SLC9C1: variants seen among roughly 807,000 people sequenced by gnomAD.
The protein encoded by SLC9C1 is sodium/hydrogen exchanger 10.
Under a neutral mutation model 140.9 loss-of-function variants are expected in SLC9C1, and 97 were observed. The ratio of observed to expected loss-of-function variants is 0.69; its 90% CI spans 0.58 to 0.82. The LOEUF (loss-of-function observed/expected upper bound fraction) is 0.82. Ranked by LOEUF, SLC9C1 falls within the 40% of genes least tolerant of loss-of-function variation. The pLI, the probability that SLC9C1 is intolerant of heterozygous loss-of-function variation, is 0.00. For missense variants in SLC9C1, 1,340 were observed against 1,389.3 expected, an observed-to-expected ratio of 0.96 and a Z score of 0.56; for synonymous variants, 440 against 442.6, an observed-to-expected ratio of 0.99 and a Z score of 0.07.
At chr3:112,221,277 T>G (rs932396577) in intron 13 of SLC9C1, 52 bp from the exon 14 acceptor site, 2 of 1,462,266 alleles carry the variant, frequency 1.4e-6, no homozygotes, top group Non-Finnish European at 1.9e-6. Flanking sequence ...CGATGACAAC[T>G]TATTACAATC....
intron 15 of SLC9C1, among the ~76,000 whole-genome samples, chr3:112,216,034 C>T (rs1255443814): frequency 6.6e-6 from 1 of 151,974 alleles, no homozygotes; most frequent in African/African-American, 2.4e-5. Flanking sequence ...CAGAACAGAG[C>T]CCTCAGAAAT....
intron 21 of SLC9C1, among the ~76,000 whole-genome samples, chr3:112,181,166 A>G (rs1007890568): frequency 2.6e-5 from 4 of 152,244 alleles, no homozygotes; most frequent in Admixed American, 6.5e-5. Context: ...AATTATGAAT[A>G]GTAAAGAGGA....
At position 112,239,930 on chromosome 3, in the gene SLC9C1, A is replaced by G; in HGVS notation, c.1356T>C (p.Ser452=). 6.2e-7 allele frequency: 1 copy of G among 1,614,042 alleles called. No homozygotes were observed. Among genetic ancestry groups the G allele is most frequent in the Non-Finnish European group, 8.5e-7 (1 of 1,179,968 alleles). The change falls in exon 12 of 29, where the codon TCT becomes TCC. Residue 452 remains serine (S), a synonymous_variant. Coordinates refer to ENST00000305815, the MANE Select transcript of SLC9C1 (RefSeq NM_183061.3). ...TFQHFQELTK[S]AASALKFDKD... ...TGTCAAATTTAAGGGCAGAGGCTGC[A>G]GACTTGGTTAGCTCTTGAAAGTGTT...
chr3:112,205,359 C>T lies in SLC9C1; in HGVS notation c.1987-956G>A, dbSNP rs567153468. ...CCAACTTACAAGGGACGTGAAGGAC[C>T]TCTTCAAGGAGAACTACAAACCACT... On this transcript the variant is annotated intron_variant, in intron 16 of 28. Transcript: ENST00000305815. Among the ~76,000 whole-genome samples, 5 of 151,444 alleles carry T rather than the reference C, an allele frequency of 3.3e-5. No homozygotes were observed. The East Asian group carries it at 7.8e-4, about 24-fold the overall frequency.
intron 26 of SLC9C1, among the ~76,000 whole-genome samples, chr3:112,157,868 T>C (rs762492637): frequency 1.3e-5 from 2 of 152,072 alleles, no homozygotes; most frequent in African/African-American, 4.8e-5. Context: ...GTATGTTGAT[T>C]TTGTATCCTG....
intron 12 of SLC9C1, among the ~76,000 whole-genome samples, chr3:112,235,044 T>C (rs1190804814): frequency 6.6e-6 from 1 of 151,364 alleles, no homozygotes; most frequent in Non-Finnish European, 1.5e-5. Flanking sequence ...GGGGATGGCA[T>C]TGAATCTATA....
chr3:112,267,050 G>A (rs928624572), intron 7 of SLC9C1, among the ~76,000 whole-genome samples: 2 of 152,134 alleles, frequency 1.3e-5, no homozygotes, highest in Admixed American at 6.5e-5. Flanking sequence ...GGAGGCTGAC[G>A]GATGACTGCT....
chr3:112,185,635 G>A (rs2077521192), intron 20 of SLC9C1: 13 of 1,573,552 alleles, frequency 8.3e-6, no homozygotes, highest in Non-Finnish European at 1.0e-5. Context: ...CTCCTGACCC[G>A]GAAAGCTCCT....
chr3:112,202,333 C>T lies in SLC9C1; in HGVS notation c.2239G>A (p.Gly747Arg). Residue 747 changes from glycine to arginine, a missense_variant, in exon 18 of 29, where the codon GGA becomes AGA. Transcript: ENST00000305815. ...RMSHQKTFWY[G>R]ILKGYVQGEA... is the part of the protein sequence containing the mutation. The stretch of plus-strand genomic sequence containing the variant: ...CCTTGGACATAGCCTTTTAGTATTC[C>T]ATACCAAAAGGTCTTCTGATGACTC... The T allele has an allele frequency of 6.2e-7, 1 of 1,610,126 alleles. No homozygotes were observed. Among genetic ancestry groups the T allele is most frequent in the Non-Finnish European group, 8.5e-7 (1 of 1,178,154 alleles).
rs2080292427 is a variant in SLC9C1 at position 112,279,048 on chromosome 3, T to A, written c.190-191A>T. ...CCATGGCTTATGTAGAAGATATGTG[T>A]GGAAGAATAGAACGGATAGAGACTG... On this transcript the variant is annotated intron_variant, in intron 3 of 28. Coordinates refer to ENST00000305815, the MANE Select transcript of SLC9C1 (RefSeq NM_183061.3). 3 of 470,234 alleles carry A rather than the reference T, an allele frequency of 6.4e-6. No homozygotes were observed. The East Asian group carries it at 1.3e-4, about 21-fold the overall frequency. The allele number at this position is 470,234 out of a possible 1,614,324, so 29.1% of individuals were successfully genotyped here. A position where few individuals can be genotyped will look rare whatever the true frequency, so the allele number is the denominator to read the frequency against.
chr3:112,167,232 G>A lies in SLC9C1; in HGVS notation c.3353C>T (p.Pro1118Leu). 1 of 1,606,628 alleles carries A rather than the reference G, an allele frequency of 6.2e-7. No individual in the cohort carries two copies. The highest frequency in any genetic ancestry group is 8.5e-7 in the Non-Finnish European group (1 of 1,177,088). ...FVPKHKSYLT[P>L]GLIGSVGTLE... ...GAAGTCTAACTCACCTATTAATCCT[G>A]GTGTAAGATAACTTTTATGTTTAGG... The change falls in exon 26 of 29, where the codon CCA becomes CTA. Residue 1118 changes from proline (P) to leucine (L), a missense_variant. Coordinates refer to ENST00000305815, the MANE Select transcript of SLC9C1 (RefSeq NM_183061.3).
intron 12 of SLC9C1, among the ~76,000 whole-genome samples, chr3:112,236,277 C>T (rs2078983934): frequency 6.6e-6 from 1 of 152,178 alleles, no homozygotes; most frequent in Non-Finnish European, 1.5e-5. Flanking sequence ...ATGGTATTCT[C>T]TGATGGTAGT....
chr3:112,278,100 C>T (rs1222390483), intron 4 of SLC9C1, among the ~76,000 whole-genome samples: 1 of 152,070 alleles, frequency 6.6e-6, no homozygotes, highest in Admixed American at 6.6e-5. Flanking sequence ...GTCTGAACTC[C>T]ATGTGTCTGG....
At chr3:112,234,143 G>A (rs191879979) in intron 12 of SLC9C1, among the ~76,000 whole-genome samples, 27 of 152,276 alleles carry the variant, frequency 1.8e-4, no homozygotes, top group Admixed American at 1.5e-3. Context: ...TCCAGCACCT[G>A]TTGTTTCCTG....
chr3:112,192,466 G>T (rs1357630533), intron 20 of SLC9C1, among the ~76,000 whole-genome samples: 1 of 152,118 alleles, frequency 6.6e-6, no homozygotes, highest in Admixed American at 6.5e-5. Flanking sequence ...TCCATTGTAT[G>T]TATATACCAC....
At chr3:112,189,250 A>T (rs935103430) in intron 20 of SLC9C1, among the ~76,000 whole-genome samples, 1 of 152,018 alleles carries the variant, frequency 6.6e-6, no homozygotes, top group African/African-American at 2.4e-5. Flanking sequence ...TCCATTTGTC[A>T]ATTTTGGCTT....
intron 2 of SLC9C1, among the ~76,000 whole-genome samples, chr3:112,286,352 C>T (rs370010568): frequency 2.0e-5 from 3 of 152,152 alleles, no homozygotes; most frequent in Admixed American, 1.3e-4. Context: ...AAATAGCAGG[C>T]ATAATTTATA....
At chr3:112,255,030 C>T (rs1263235096) in intron 10 of SLC9C1, among the ~76,000 whole-genome samples, 1 of 151,998 alleles carries the variant, frequency 6.6e-6, no homozygotes, top group Non-Finnish European at 1.5e-5. Flanking sequence ...AATAAGAAGA[C>T]CTAACTATAC....
chr3:112,181,090 T>TA (rs1200248361), intron 21 of SLC9C1, among the ~76,000 whole-genome samples: 3 of 152,166 alleles, frequency 2.0e-5, no homozygotes, highest in African/African-American at 7.2e-5. Context: ...TTTTTACATT[T>TA]AAAAAATTAC....
Sources: allele counts gnomAD v4.1 joint callset (sites outside exome capture counted in the v4.1 genomes callset), GRCh38; gene constraint gnomAD v4.1.1; transcripts MANE v1.5; gene names NCBI Gene and HGNC (gene_info 2026-07-23, HGNC 2026-07-21).